The following COL19A1 variants were observed in gnomAD, a reference collection of about 807,000 sequenced individuals.
COL19A1 encodes the protein collagen alpha-1(XIX) chain.
Under a neutral mutation model 190.2 loss-of-function variants are expected in COL19A1, and 159 were observed. The ratio of observed to expected loss-of-function variants is 0.84; its 90% CI spans 0.73 to 0.95. The LOEUF is 0.95. Among genes scored for constraint, COL19A1 ranks in the 40% least tolerant of loss-of-function variants. The pLI is 0.00. For missense variants in COL19A1, 1,418 were observed against 1,431.9 expected (o/e 0.99, Z 0.16); for synonymous variants, 509 against 458.9 (o/e 1.11, Z -1.39).
intron 17 of COL19A1, among the ~76,000 whole-genome samples, chr6:70,126,961 A>G (rs1340940832): frequency 6.6e-6 from 1 of 152,240 alleles, no homozygotes; most frequent in East Asian, 1.9e-4. Context: ...ATTTTTAATC[A>G]GAAAAATAAA....
intron 2 of COL19A1, among the ~76,000 whole-genome samples, chr6:69,891,662 A>C (rs1161347661): frequency 6.6e-6 from 1 of 152,226 alleles, no homozygotes; most frequent in East Asian, 1.9e-4. Context: ...TTTCACCCAT[A>C]AAACAGGAAG....
In COL19A1 at chr6:69,879,664, C is replaced by T. The variant is rs752090977; in HGVS notation, c.91+6C>T. ...GACCGTTAGGGACAAGACAGGTATC[C>T]AGGCCAACTCTTTGCCTAATCACCA... On this transcript the variant is annotated splice_donor_region_variant and intron_variant, in intron 2 of 50. Transcript: ENST00000620364. The T allele has an allele frequency of 1.2e-6, 2 of 1,613,342 alleles. No individual in the cohort carries two copies. The highest frequency in any genetic ancestry group is 2.7e-5 in the African/African-American group (2 of 74,884).
At chr6:69,909,447 C>G (rs556000198) in intron 4 of COL19A1, among the ~76,000 whole-genome samples, 1 of 151,940 alleles carries the variant, frequency 6.6e-6, no homozygotes, top group African/African-American at 2.4e-5. Context: ...AAGACAAAAT[C>G]TCTTATATTT....
intron 13 of COL19A1, among the ~76,000 whole-genome samples, chr6:70,035,702 T>C (rs1022621014): frequency 5.8e-4 from 89 of 152,144 alleles, no homozygotes; most frequent in Non-Finnish European, 1.3e-4. Context: ...AAGCATAGAG[T>C]ATACAAGGTG....
chr6:70,145,019 C>A lies in COL19A1; in HGVS notation c.1770+12C>A. Reference sequence around the variant, plus strand: ...TGCCAGGGGAACCAGTAAGTATTAGCCCTTTTGTTAATATTTTTCTTGCAA... The same window carrying A: ...TGCCAGGGGAACCAGTAAGTATTAGACCTTTTGTTAATATTTTTCTTGCAA... On this transcript the variant is annotated intron_variant, in intron 25 of 50. Transcript: ENST00000620364. 2 of 1,530,630 alleles carry A rather than the reference C, an allele frequency of 1.3e-6. No homozygotes were observed. The highest frequency in any genetic ancestry group is 1.8e-6 in the Non-Finnish European group (2 of 1,135,716). 94.8% of individuals were successfully genotyped at this position (1,530,630 alleles called of 1,614,324 possible).
intron 11 of COL19A1, among the ~76,000 whole-genome samples, chr6:69,999,803 G>A (rs564183569): frequency 2.6e-5 from 4 of 152,188 alleles, no homozygotes; most frequent in Middle Eastern, 3.4e-3. Context: ...GAACAGTTAC[G>A]TTGTGTAACT....
intron 16 of COL19A1, 48 bp from the exon 17 acceptor site, chr6:70,121,832 G>T: frequency 8.6e-7 from 1 of 1,159,920 alleles, no homozygotes; most frequent in African/African-American, 1.6e-5. Context: ...AATATTCATT[G>T]TTTTGGTAAA....
At position 70,161,158 on chromosome 6, in the gene COL19A1, G is replaced by A. The variant is rs187233480; in HGVS notation, c.2293-742G>A. Among the ~76,000 whole-genome samples, 127 of 152,230 alleles carry A rather than the reference G, an allele frequency of 8.3e-4. 2 individuals carry two copies. The highest frequency in any genetic ancestry group is 4.6e-4 in the Admixed American group (7 of 15,280). On this transcript the variant is annotated intron_variant, in intron 34 of 50. Transcript: ENST00000620364. ...ATTATTATGCTTAAGCCATTAAAGC[G>A]TTCCAAATTTAAATTCACCAGTGAG...
At chr6:70,024,478 G>A (rs1336303287) in intron 12 of COL19A1, among the ~76,000 whole-genome samples, 1 of 152,050 alleles carries the variant, frequency 6.6e-6, no homozygotes, top group Non-Finnish European at 1.5e-5. Flanking sequence ...ACTATATCTA[G>A]CTCCCTAATG....
In COL19A1 at chr6:69,894,965, A is replaced by G. The variant is rs1330928573; in HGVS notation, c.92-3983A>G. Among the ~76,000 whole-genome samples, 3 of 152,236 alleles carry G rather than the reference A, an allele frequency of 2.0e-5. 1 individual carries two copies. The highest frequency in any genetic ancestry group is 7.2e-5 in the African/African-American group (3 of 41,464). ...GCTGATGGAGTGGAGAGGAGGAAAG[A>G]AAAAACATTTTTTAATGCTTGAGGA... On this transcript the variant is annotated intron_variant, in intron 2 of 50. Transcript: ENST00000620364.
chr6:69,967,926 A>C (rs1775212153), intron 11 of COL19A1, among the ~76,000 whole-genome samples: 1 of 138,820 alleles, frequency 7.2e-6, no homozygotes. Flanking sequence ...ACGTAGCGTA[A>C]AGTACACGTA....
intron 14 of COL19A1, among the ~76,000 whole-genome samples, chr6:70,065,305 A>C (rs1310727502): frequency 1.3e-5 from 2 of 152,140 alleles, no homozygotes; most frequent in Non-Finnish European, 2.9e-5. Context: ...ATAATACCAC[A>C]CATCTACAAC....
chr6:70,065,394 G>A (rs572780836), intron 14 of COL19A1, among the ~76,000 whole-genome samples: 2 of 152,214 alleles, frequency 1.3e-5, no homozygotes, highest in Admixed American at 6.5e-5. Flanking sequence ...CTGGGAAAAC[G>A]GGCTAGCCGT....
chr6:70,099,547 C>CA lies in COL19A1; in HGVS notation c.1225-2612dup, dbSNP rs10644510. Among the ~76,000 whole-genome samples the CA allele has an allele frequency of 4.2e-3, 623 of 149,232 alleles. 11 individuals are homozygous for CA. In the South Asian group the frequency reaches 0.043, roughly 10 times the overall value. On this transcript the variant is annotated intron_variant, in intron 15 of 50. Transcript: ENST00000620364. ...TTATGTATATGCAAATATTCCAAAA[C>CA]AAAAAAAAAATTACAAAACACTTCT...
chr6:70,119,579 A>G (rs1784764928), intron 16 of COL19A1, among the ~76,000 whole-genome samples: 1 of 152,216 alleles, frequency 6.6e-6, no homozygotes, highest in African/African-American at 2.4e-5. Flanking sequence ...AAGTTAAGAT[A>G]GTAGAGTAGA....
intron 35 of COL19A1, among the ~76,000 whole-genome samples, chr6:70,162,672 T>C (rs2150260759): frequency 6.6e-6 from 1 of 152,286 alleles, no homozygotes; most frequent in East Asian, 1.9e-4. Context: ...CTCCACCTCA[T>C]CCTTTCTTAG....
intron 2 of COL19A1, chr6:69,890,585 C>T (rs1769277379): frequency 6.6e-6 from 1 of 152,172 alleles, no homozygotes; most frequent in African/African-American, 2.4e-5. Context: ...AATACAGATG[C>T]CCAGTTAAAT....
Position 70,144,947 on chromosome 6 carries a change from C to A in COL19A1, c.1710C>A (p.Pro570=). The A allele has an allele frequency of 6.3e-7, 1 of 1,589,046 alleles. No homozygotes were observed. Among genetic ancestry groups the A allele is most frequent in the East Asian group, 2.3e-5 (1 of 43,888 alleles). Residue 570 remains proline (P), a synonymous_variant, in exon 25 of 51, where the codon CCC becomes CCA. Transcript: ENST00000620364. ...ATCCGGGTGGGATCATAGGCCCTCC[C>A]GGGCTTCCAGGTCCAAAAGGTGAGG... ...KGDPGGIIGP[P]GLPGPKGEAG... is the part of the protein sequence containing the mutation.
chr6:70,169,889 T>A (rs1299777589), intron 40 of COL19A1, among the ~76,000 whole-genome samples: 1 of 152,178 alleles, frequency 6.6e-6, no homozygotes, highest in Non-Finnish European at 1.5e-5. Flanking sequence ...GGGAACATTC[T>A]TTGAAGTTCT....
Sources: gnomAD v4.1 joint callset for allele counts (sites outside exome capture counted in the v4.1 genomes callset) on GRCh38, gnomAD v4.1.1 for gene constraint, MANE v1.5 for transcripts, NCBI Gene and HGNC (gene_info 2026-07-23, HGNC 2026-07-21) for gene names.